Variants in CDH6 observed in about 807,000 individuals in gnomAD.
CDH6 encodes cadherin 6.
In CDH6, 31 loss-of-function variants were observed where a neutral mutation model predicts 78.0. The ratio of observed to expected loss-of-function variants is 0.40; its 90% CI spans 0.30 to 0.54. The LOEUF is 0.54. Among genes scored for constraint, CDH6 ranks in the 20% least tolerant of loss-of-function variants. CDH6 has a pLI of 0.56. For missense variants in CDH6, 724 were observed against 975.9 expected, an observed-to-expected ratio of 0.74 and a Z score of 3.44; for synonymous variants, 376 against 368.8, an observed-to-expected ratio of 1.02 and a Z score of -0.23.
chr5:31,247,510 A>G (rs1160069825), intron 1 of CDH6, among the ~76,000 whole-genome samples: 1 of 152,118 alleles, frequency 6.6e-6, no homozygotes, highest in Non-Finnish European at 1.5e-5. Flanking sequence ...AGACAAGAAA[A>G]CATCCAAGGA....
chr5:31,283,282 A>G (rs1213944756), intron 2 of CDH6, among the ~76,000 whole-genome samples: 2 of 152,222 alleles, frequency 1.3e-5, no homozygotes, highest in African/African-American at 2.4e-5. Context: ...AATTCGTTGT[A>G]ACTCAAAATA....
intron 1 of CDH6, among the ~76,000 whole-genome samples, chr5:31,216,683 C>A (rs199605805): frequency 1.3e-3 from 168 of 132,520 alleles, no homozygotes; most frequent in Admixed American, 1.5e-3. Context: ...GCCCTGCCAC[C>A]AAAAAAAAAA....
intron 2 of CDH6, among the ~76,000 whole-genome samples, chr5:31,291,703 C>T (rs968393247): frequency 2.6e-4 from 40 of 152,320 alleles, no homozygotes; most frequent in African/African-American, 9.6e-4. Flanking sequence ...AATGAAATAG[C>T]TTTTTAAGAG....
At chr5:31,221,885 A>G (rs975656840) in intron 1 of CDH6, among the ~76,000 whole-genome samples, 4 of 152,092 alleles carry the variant, frequency 2.6e-5, no homozygotes, top group African/African-American at 7.2e-5. Flanking sequence ...TCCTCAAGTT[A>G]TTTAATTTTT....
chr5:31,257,264 G>T (rs371075888), intron 1 of CDH6, among the ~76,000 whole-genome samples: 2 of 152,140 alleles, frequency 1.3e-5, no homozygotes, highest in African/African-American at 4.8e-5. Context: ...CCGGGTTCAC[G>T]CCATTCTCCT....
At chr5:31,230,378 C>G (rs962011639) in intron 1 of CDH6, among the ~76,000 whole-genome samples, 4 of 152,118 alleles carry the variant, frequency 2.6e-5, no homozygotes, top group Non-Finnish European at 4.4e-5. Context: ...TTTTAAAAGT[C>G]TGGCTCATTT....
Position 31,294,003 on chromosome 5 carries a change from T to C in CDH6, c.270T>C (p.Tyr90=). The C allele has an allele frequency of 6.2e-7, 1 of 1,612,452 alleles. No individual in the cohort carries two copies. Among genetic ancestry groups the C allele is most frequent in the South Asian group, 1.1e-5 (1 of 91,028 alleles). Residue 90 remains tyrosine (Y), a synonymous_variant, in exon 3 of 12, where the codon TAT becomes TAC. Transcript: ENST00000265071. This position sits in a 1 kb window ranked among gnomAD's most constrained non-coding sequence, Gnocchi z 4.1. The part of the protein sequence containing the change: ...DQDRGDGSLK[Y]ILSGDGAGDL... ...ATAGAGGAGATGGATCACTTAAATA[T>C]ATCCTTTCAGGAGATGGAGCAGGAG...
intron 1 of CDH6, among the ~76,000 whole-genome samples, chr5:31,221,637 T>C (rs1367503210): frequency 1.3e-5 from 2 of 152,218 alleles, no homozygotes; most frequent in Admixed American, 6.5e-5. Context: ...AGAGTTATGA[T>C]GAAACTTGAT....
intron 1 of CDH6, among the ~76,000 whole-genome samples, chr5:31,237,765 C>G (rs1741492507): frequency 6.6e-6 from 1 of 151,962 alleles, no homozygotes; most frequent in Non-Finnish European, 1.5e-5. Context: ...TTCCGGGAGA[C>G]AAAGGAGAAG....
chr5:31,297,186 C>A (rs10042949), intron 3 of CDH6, 103 bp from the exon 4 acceptor site: 2 of 993,280 alleles, frequency 2.0e-6, no homozygotes, highest in Non-Finnish European at 3.2e-6. Flanking sequence ...ACTTCCTCAG[C>A]ATGATATTTC....
intron 1 of CDH6, among the ~76,000 whole-genome samples, chr5:31,263,637 C>A (rs1338429871): frequency 2.0e-5 from 3 of 151,912 alleles, no homozygotes; most frequent in African/African-American, 7.3e-5. Flanking sequence ...ACCCATTAAT[C>A]CATTAATCCA....
At chr5:31,283,711 T>TGG (rs35313714) in intron 2 of CDH6, among the ~76,000 whole-genome samples, 1 of 151,892 alleles carries the variant, frequency 6.6e-6, no homozygotes, top group Admixed American at 6.6e-5. Context: ...AATACAAATA[T>TGG]GGGGGGTCAT....
chr5:31,257,709 T>C (rs1742094283), intron 1 of CDH6, among the ~76,000 whole-genome samples: 1 of 152,118 alleles, frequency 6.6e-6, no homozygotes, highest in South Asian at 2.1e-4. Flanking sequence ...ACTCTGTCTG[T>C]GCCTTTCAGC....
chr5:31,293,841 A>C, intron 2 of CDH6, 121 bp from the exon 3 acceptor site: 1 of 577,100 alleles, frequency 1.7e-6, no homozygotes, highest in South Asian at 3.4e-5. Flanking sequence ...AAAAAAAAAA[A>C]AACTTGTATT....
At chr5:31,218,399 C>T (rs554029190) in intron 1 of CDH6, among the ~76,000 whole-genome samples, 21 of 152,238 alleles carry the variant, frequency 1.4e-4, no homozygotes, top group South Asian at 8.3e-4. Flanking sequence ...ACAGCAATTT[C>T]ATCCATTTAA....
At position 31,323,812 on chromosome 5, in the gene CDH6, A is replaced by G. The variant is rs956624646; in HGVS notation, c.*504A>G. The G allele has an allele frequency of 3.5e-5, 8 of 231,204 alleles. No individual in the cohort carries two copies. The highest frequency in any genetic ancestry group is 1.7e-4 in the Admixed American group (3 of 17,778). The allele number at this position is 231,204 out of a possible 1,614,324, so 14.3% of individuals were successfully genotyped here. On this transcript the variant is annotated 3_prime_UTR_variant, in exon 12 of 12. Coordinates refer to ENST00000265071, the MANE Select transcript of CDH6 (RefSeq NM_004932.4). The stretch of plus-strand genomic sequence containing the variant: ...AAAGAATTTAAAATAACACTTGCCC[A>G]TGCTATTTGTTCTTCAAGAACTTTC...
chr5:31,219,907 G>A (rs1029037900), intron 1 of CDH6, among the ~76,000 whole-genome samples: 6 of 152,184 alleles, frequency 3.9e-5, no homozygotes, highest in African/African-American at 1.4e-4. Context: ...ATACAATGAA[G>A]AAGACAGTTG....
chr5:31,288,914 ATG>A (rs1743079623), intron 2 of CDH6, among the ~76,000 whole-genome samples: 1 of 152,030 alleles, frequency 6.6e-6, no homozygotes, highest in African/African-American at 2.4e-5. Flanking sequence ...GTACTTTTCT[ATG>A]TGTGTCATCT....
At chr5:31,229,525 A>C (rs928116840) in intron 1 of CDH6, among the ~76,000 whole-genome samples, 2 of 152,336 alleles carry the variant, frequency 1.3e-5, no homozygotes, top group South Asian at 2.1e-4. Flanking sequence ...GCTGGTGCCA[A>C]TTTGGAAGCT....
Sources: allele counts gnomAD v4.1 joint callset (sites outside exome capture counted in the v4.1 genomes callset), GRCh38; gene constraint gnomAD v4.1.1; non-coding constraint Gnocchi (gnomAD v3.1); transcripts MANE v1.5; gene names NCBI Gene and HGNC (gene_info 2026-07-23, HGNC 2026-07-21).